The following GTF2A1L variants were observed in gnomAD, a reference collection of about 807,000 sequenced individuals.
The protein encoded by GTF2A1L is TFIIA-alpha and beta-like factor.
A neutral mutation model predicts 49.7 loss-of-function variants in GTF2A1L; 48 were observed. The observed-to-expected ratio is 0.97, with a 90% CI of 0.77 to 1.23. The LOEUF (loss-of-function observed/expected upper bound fraction) is 1.23, where lower values mean the gene tolerates loss of function less well. GTF2A1L is among the 50% of genes most tolerant of loss of function. The pLI, the probability that GTF2A1L is intolerant of heterozygous loss-of-function variation, is 0.00. For synonymous variants in GTF2A1L, 246 were observed against 193.5 expected (o/e 1.27, Z -2.25); for missense variants, 736 against 564.8 (o/e 1.30, Z -3.07).
At chr2:48,621,084 T>C in intron 2 of GTF2A1L, 83 bp from the exon 3 acceptor site, 13 of 1,527,296 alleles carry the variant, frequency 8.5e-6, no homozygotes, top group Non-Finnish European at 1.1e-5. Context: ...ATGACGTTAG[T>C]TTTTAAGAAA....
chr2:48,620,704 G>GA, intron 1 of GTF2A1L, 147 bp from the exon 2 acceptor site: 1 of 324,022 alleles, frequency 3.1e-6, no homozygotes, highest in African/African-American at 2.2e-5. Context: ...TTGAACCTGG[G>GA]ACGTGGAAAT....
In GTF2A1L at chr2:48,640,712, T is replaced by A. The variant is rs575197903; in HGVS notation, c.248-1690T>A. Among the ~76,000 whole-genome samples, 12 of 152,254 alleles carry A rather than the reference T, an allele frequency of 7.9e-5. No individual in the cohort carries two copies. The South Asian group carries it at 2.5e-3, about 32-fold the overall frequency. On this transcript the variant is annotated intron_variant, in intron 3 of 8. Transcript: ENST00000403751. ...AAAATAAAAGTTAAAAAATTTAGTA[T>A]TTCTAGAACATACACATGAAGACCA...
chr2:48,654,222 C>T (rs6761693), intron 6 of GTF2A1L, among the ~76,000 whole-genome samples: 7,260 of 152,094 alleles, frequency 0.048, 575 homozygotes, highest in African/African-American at 0.17. Flanking sequence ...TTTTATCTTC[C>T]AGTTTATTTA....
intron 6 of GTF2A1L, among the ~76,000 whole-genome samples, chr2:48,654,526 G>C (rs1558747778): frequency 6.6e-6 from 1 of 152,146 alleles, no homozygotes; most frequent in Non-Finnish European, 1.5e-5. Context: ...GGGATTACAG[G>C]TGCCCACCAC....
chr2:48,640,547 G>C (rs1336296525), intron 3 of GTF2A1L, among the ~76,000 whole-genome samples: 1 of 152,082 alleles, frequency 6.6e-6, no homozygotes, highest in Non-Finnish European at 1.5e-5. Flanking sequence ...GGTGGGCGGG[G>C]GCAGAGGAGT....
intron 3 of GTF2A1L, among the ~76,000 whole-genome samples, chr2:48,631,280 T>G (rs1183345792): frequency 6.6e-6 from 1 of 152,166 alleles, no homozygotes; most frequent in Non-Finnish European, 1.5e-5. Flanking sequence ...GGTAGGTTTT[T>G]TATTACTAAT....
intron 3 of GTF2A1L, among the ~76,000 whole-genome samples, chr2:48,638,010 C>T (rs894057002): frequency 2.6e-5 from 4 of 152,124 alleles, no homozygotes; most frequent in African/African-American, 4.8e-5. Flanking sequence ...AACACATACA[C>T]CCTCCCAAGA....
In GTF2A1L at chr2:48,679,366, A is replaced by G. The variant is rs892088825; in HGVS notation, c.1361A>G (p.Tyr454Cys). The G allele has an allele frequency of 3.3e-5, 53 of 1,611,050 alleles. No individual in the cohort carries two copies. The highest frequency in any genetic ancestry group is 4.2e-5 in the Non-Finnish European group (50 of 1,178,764). The change falls in exon 9 of 9, where the codon TAT becomes TGT. Residue 454 changes from tyrosine (Y) to cysteine (C), a missense_variant. Physicochemically the swap from Tyr to Cys is radical, Grantham distance 194 (BLOSUM62 -2). Coordinates refer to ENST00000403751, the MANE Select transcript of GTF2A1L (RefSeq NM_006872.5). ...IHRSKNKWKF[Y>C]LKDGVMCFGG... ...CGAAGCAAGAACAAATGGAAATTCTATTTGAAAGATGGTGTTATGTGTTTT... is the reference window on the plus strand; with the variant it reads ...CGAAGCAAGAACAAATGGAAATTCTGTTTGAAAGATGGTGTTATGTGTTTT...
intron 6 of GTF2A1L, among the ~76,000 whole-genome samples, chr2:48,650,536 C>T (rs1171083548): frequency 6.6e-6 from 1 of 152,004 alleles, no homozygotes; most frequent in African/African-American, 2.4e-5. Flanking sequence ...ACACATATTC[C>T]TCTAAAATAT....
intron 6 of GTF2A1L, among the ~76,000 whole-genome samples, chr2:48,664,870 GTCTCTCTCTCTT>G (rs1371245358): frequency 1.3e-5 from 2 of 151,960 alleles, no homozygotes; most frequent in Non-Finnish European, 2.9e-5. Flanking sequence ...TCTTCTGTCT[GTCTCTCTCTCTT>G]TCTCTCTCTG....
intron 6 of GTF2A1L, among the ~76,000 whole-genome samples, chr2:48,647,391 A>G (rs73931103): frequency 0.026 from 3,977 of 152,208 alleles, 160 homozygotes; most frequent in African/African-American, 0.091. Context: ...CATTTCAATA[A>G]ATGAATTATA....
rs1285332036 is a variant in GTF2A1L, at chr2:48,646,467, G to C, written c.403G>C (p.Val135Leu). 12 of 1,605,884 alleles carry C rather than the reference G, an allele frequency of 7.5e-6. No homozygotes were observed. The highest frequency in any genetic ancestry group is 1.0e-5 in the Non-Finnish European group (12 of 1,177,746). ...LQTVSGHLYK[V>L]NVPIMVTETS... is the part of the protein sequence containing the mutation. ...TCCTTTTTAAGGTCACCTTTATAAA[G>C]TCAATGTACCAATTATGGTGACAGA... Residue 135 changes from valine to leucine, a missense_variant, in exon 6 of 9, where the codon GTC becomes CTC. Coordinates refer to ENST00000403751, the MANE Select transcript of GTF2A1L (RefSeq NM_006872.5).
chr2:48,669,933 C>T lies in GTF2A1L; in HGVS notation c.1190C>T (p.Ala397Val). The T allele has an allele frequency of 3.1e-6, 5 of 1,613,934 alleles. No homozygotes were observed. Among genetic ancestry groups the T allele is most frequent in the Non-Finnish European group, 3.4e-6 (4 of 1,179,938 alleles). The change falls in exon 7 of 9, where the codon GCC becomes GTC. Residue 397 changes from alanine to valine, a missense_variant. By Grantham distance (64) the Ala-to-Val change is moderately conservative. Coordinates refer to ENST00000403751, the MANE Select transcript of GTF2A1L (RefSeq NM_006872.5). ...GACAGTATTTCAAATGAGGATTCAG[C>T]CACAAACAGTAGTGATAATGAAGAC... Reference protein sequence around the residue: ...EADSISNEDSATNSSDNEDPQ... With the variant: ...EADSISNEDSVTNSSDNEDPQ...
chr2:48,633,740 A>C lies in GTF2A1L; in HGVS notation c.248-8662A>C, dbSNP rs545953698. ...TTTCAGTAGGATTTCAATAGGGGGA[A>C]GTCCCCCACCATTATCGTATGGCTG... On this transcript the variant is annotated intron_variant, in intron 3 of 8. Coordinates refer to ENST00000403751, the MANE Select transcript of GTF2A1L (RefSeq NM_006872.5). 1.1e-4 allele frequency among the ~76,000 whole-genome samples: 16 copies of C among 152,316 alleles called. No homozygotes were observed. The South Asian group carries it at 3.1e-3, about 30-fold the overall frequency.
intron 8 of GTF2A1L, among the ~76,000 whole-genome samples, chr2:48,677,231 A>T (rs6741840): frequency 0.24 from 35,912 of 151,768 alleles, 4,441 homozygotes; most frequent in African/African-American, 0.3. Context: ...TCTGGTTCAA[A>T]ATAAAACCCT....
chr2:48,677,458 T>G (rs932971343), intron 8 of GTF2A1L, among the ~76,000 whole-genome samples: 3 of 151,802 alleles, frequency 2.0e-5, no homozygotes, highest in African/African-American at 7.3e-5. Context: ...AGTCCTGAGG[T>G]AGGAGTATGC....
chr2:48,633,749 CCATTAT>C (rs1269226621), intron 3 of GTF2A1L, among the ~76,000 whole-genome samples: 1 of 152,128 alleles, frequency 6.6e-6, no homozygotes, highest in African/African-American at 2.4e-5. Flanking sequence ...AAGTCCCCCA[CCATTAT>C]CGTATGGCTG....
chr2:48,621,379 CT>C, intron 3 of GTF2A1L, 89 bp downstream of exon 3: 1 of 1,571,958 alleles, frequency 6.4e-7, no homozygotes, highest in Non-Finnish European at 8.7e-7. Flanking sequence ...GGGTAATGTT[CT>C]TAGGGTGAGA....
intron 6 of GTF2A1L, among the ~76,000 whole-genome samples, chr2:48,654,227 T>G (rs924061238): frequency 2.6e-5 from 4 of 152,180 alleles, no homozygotes; most frequent in Admixed American, 6.5e-5. Flanking sequence ...TCTTCCAGTT[T>G]ATTTATTTTG....
Sources: allele counts gnomAD v4.1 joint callset (sites outside exome capture counted in the v4.1 genomes callset), GRCh38; gene constraint gnomAD v4.1.1; transcripts MANE v1.5; gene names NCBI Gene and HGNC (gene_info 2026-07-23, HGNC 2026-07-21).